The following KIAA0825 variants were observed in gnomAD, a reference collection of about 807,000 sequenced individuals.
KIAA0825 encodes the protein KIAA0825.
Under a neutral mutation model 147.6 loss-of-function variants are expected in KIAA0825, and 119 were observed. The observed-to-expected ratio is 0.81, with a 90% CI of 0.69 to 0.94. The LOEUF is 0.94. Among genes scored for constraint, KIAA0825 ranks in the 40% least tolerant of loss-of-function variants. The pLI is 0.00. For synonymous variants in KIAA0825, 470 were observed against 518.1 expected (o/e 0.91, Z 1.26); for missense variants, 1,381 against 1,472.7 (o/e 0.94, Z 1.02).
rs980632391 is a variant in KIAA0825, at chr5:94,519,563, C to T, written c.970+685G>A. 9 of 592,468 alleles carry T rather than the reference C, an allele frequency of 1.5e-5. No homozygotes were observed. In the Admixed American group the frequency reaches 3.2e-4, roughly 21 times the overall value. 36.7% of individuals were successfully genotyped at this position (592,468 alleles called of 1,614,324 possible). On this transcript the variant is annotated intron_variant, in intron 5 of 20. Transcript: ENST00000682413. The stretch of plus-strand genomic sequence containing the variant: ...TTTCAAATCATCTTTTATTTGTATA[C>T]ATCCTTATAGAAAAAATAGTAGAGA...
intron 20 of KIAA0825, among the ~76,000 whole-genome samples, chr5:94,332,048 G>C (rs933175895): frequency 2.6e-5 from 4 of 151,276 alleles, no homozygotes; most frequent in Admixed American, 2.6e-4. Context: ...TATAATCCCA[G>C]CTACTTGGGA....
intron 17 of KIAA0825, among the ~76,000 whole-genome samples, chr5:94,392,200 G>A (rs886344602): frequency 6.6e-6 from 1 of 152,158 alleles, no homozygotes; most frequent in Non-Finnish European, 1.5e-5. Context: ...TATAGGCTGG[G>A]TGCTTCATGG....
chr5:94,369,206 T>C (rs528180947), intron 20 of KIAA0825, among the ~76,000 whole-genome samples: 2 of 151,926 alleles, frequency 1.3e-5, no homozygotes, highest in African/African-American at 4.8e-5. Context: ...AATCCAAGAA[T>C]ATGGAATCTA....
chr5:94,501,521 G>C (rs990541976), intron 5 of KIAA0825, among the ~76,000 whole-genome samples: 1 of 152,204 alleles, frequency 6.6e-6, no homozygotes, highest in African/African-American at 2.4e-5. Flanking sequence ...AATAGCTACA[G>C]GACATTGAGC....
chr5:94,515,467 TA>T (rs1467116519), intron 5 of KIAA0825, among the ~76,000 whole-genome samples: 1 of 152,154 alleles, frequency 6.6e-6, no homozygotes, highest in African/African-American at 2.4e-5. Context: ...TATTGTAGCA[TA>T]AACCTTTACG....
rs548148900 is a variant in KIAA0825 at position 94,180,232 on chromosome 5, T to G, written c.3711-26108A>C. Among the ~76,000 whole-genome samples the G allele has an allele frequency of 2.0e-5, 3 of 152,032 alleles. No individual in the cohort carries two copies. The East Asian group carries it at 5.8e-4, about 29-fold the overall frequency. On this transcript the variant is annotated intron_variant, in intron 20 of 20. Coordinates refer to ENST00000682413, the MANE Select transcript of KIAA0825 (RefSeq NM_001145678.3). ...ACAAGGGTGCATCATCTCTGTGGTT[T>G]CCCCCTCAATAACACATAACTTTAA...
At chr5:94,188,995 T>C (rs1158271816) in intron 20 of KIAA0825, among the ~76,000 whole-genome samples, 1 of 152,210 alleles carries the variant, frequency 6.6e-6, no homozygotes, top group Non-Finnish European at 1.5e-5. Flanking sequence ...TACCTTACAC[T>C]GGTAGTAATT....
intron 20 of KIAA0825, among the ~76,000 whole-genome samples, chr5:94,237,416 C>A (rs534708463): frequency 2.0e-4 from 30 of 152,258 alleles, no homozygotes; most frequent in African/African-American, 7.0e-4. Flanking sequence ...GGAACAACTA[C>A]AAAGGCTGCA....
intron 20 of KIAA0825, among the ~76,000 whole-genome samples, chr5:94,172,457 C>A (rs1402034362): frequency 3.9e-5 from 6 of 152,196 alleles, no homozygotes; most frequent in Non-Finnish European, 7.4e-5. Flanking sequence ...TTCATTACTG[C>A]TTAACAGATT....
chr5:94,514,626 T>C (rs897995486), intron 5 of KIAA0825, among the ~76,000 whole-genome samples: 3 of 152,174 alleles, frequency 2.0e-5, no homozygotes, highest in African/African-American at 7.2e-5. Context: ...ATCTATAAAA[T>C]AGGGACAATA....
intron 2 of KIAA0825, among the ~76,000 whole-genome samples, chr5:94,537,484 T>C (rs1479432227): frequency 4.6e-5 from 7 of 151,978 alleles, no homozygotes; most frequent in Non-Finnish European, 1.0e-4. Flanking sequence ...ACCCGGTCTC[T>C]ACTAAATGTA....
chr5:94,369,190 G>C (rs1746304995), intron 20 of KIAA0825, among the ~76,000 whole-genome samples: 1 of 151,706 alleles, frequency 6.6e-6, no homozygotes, highest in African/African-American at 2.4e-5. Flanking sequence ...TTATTAAGGG[G>C]AAAAAAATCC....
At position 94,391,553 on chromosome 5, in the gene KIAA0825, GT is replaced by G. The variant is rs1562450154; in HGVS notation, c.3437del (p.His1146ProfsTer10). On this transcript the variant is annotated frameshift_variant, in exon 18 of 21. Coordinates refer to ENST00000682413, the MANE Select transcript of KIAA0825 (RefSeq NM_001145678.3). LOFTEE classifies it high-confidence loss of function. ...GGREYLRQIY[H>X]IMQLNEEYLK... ...TCCCTACCTCATTGAGCTGCATGAT[GT>G]GATAAATTTGCCTCAGGTACTCCCT... 6.4e-7 allele frequency: 1 copy of G among 1,551,620 alleles called. No homozygotes were observed. The highest frequency in any genetic ancestry group is 8.7e-7 in the Non-Finnish European group (1 of 1,146,940).
At position 94,484,864 on chromosome 5, in the gene KIAA0825, G is replaced by A. The variant is rs760433102; in HGVS notation, c.1037C>T (p.Ser346Leu). ...SLPLDKVEFL[S>L]QLIKSFMKLE... The stretch of plus-strand genomic sequence containing the variant: ...TTTCATAAAGGATTTTATGAGCTGC[G>A]ATAAGAATTCGACTTTGTCTAAAGG... Residue 346 changes from serine to leucine, a missense_variant, in exon 6 of 21, where the codon TCG (serine) becomes TTG (leucine). By Grantham distance (145) the Ser-to-Leu change is moderately radical. Transcript: ENST00000682413. 9.8e-6 allele frequency: 15 copies of A among 1,538,456 alleles called. No individual in the cohort carries two copies. Among genetic ancestry groups the A allele is most frequent in the South Asian group, 7.3e-5 (6 of 82,546 alleles).
chr5:94,180,692 T>G (rs1358831447), intron 20 of KIAA0825, among the ~76,000 whole-genome samples: 1 of 152,158 alleles, frequency 6.6e-6, no homozygotes, highest in African/African-American at 2.4e-5. Context: ...TTGTCCCTTT[T>G]TAGGTAACCT....
chr5:94,360,594 G>C (rs138833221), intron 20 of KIAA0825, among the ~76,000 whole-genome samples: 1 of 152,314 alleles, frequency 6.6e-6, no homozygotes, highest in East Asian at 1.9e-4. Flanking sequence ...CACTGCTCAT[G>C]CATTAGCATG....
At chr5:94,224,662 T>C (rs1774001108) in intron 20 of KIAA0825, among the ~76,000 whole-genome samples, 1 of 152,166 alleles carries the variant, frequency 6.6e-6, no homozygotes, top group Non-Finnish European at 1.5e-5. Context: ...ACTATTAATA[T>C]ATTCTTAAAG....
chr5:94,615,014 T>A (rs1467430955), intron 1 of KIAA0825, among the ~76,000 whole-genome samples: 2 of 150,106 alleles, frequency 1.3e-5, no homozygotes, highest in South Asian at 2.1e-4. Context: ...ATTTTACATA[T>A]GAAAACATAA....
chr5:94,202,952 G>T (rs1771833512), intron 20 of KIAA0825, among the ~76,000 whole-genome samples: 2 of 152,078 alleles, frequency 1.3e-5, no homozygotes, highest in African/African-American at 4.8e-5. Flanking sequence ...TCATTCCTGA[G>T]ATATTGGTAC....
Sources: gnomAD v4.1 joint callset for allele counts (sites outside exome capture counted in the v4.1 genomes callset) on GRCh38, gnomAD v4.1.1 for gene constraint, MANE v1.5 for transcripts, NCBI Gene and HGNC (gene_info 2026-07-23, HGNC 2026-07-21) for gene names.